The following AKAP19 variants were observed in gnomAD, a reference collection of about 807,000 sequenced individuals.
The protein encoded by AKAP19 is small A-kinase anchoring protein.
chr2:190,178,013 C>T, the AKAP19 span, among the ~76,000 whole-genome samples: 7 of 152,180 alleles, frequency 4.6e-5, no homozygotes, highest in East Asian at 3.8e-4. The surrounding 1 kb of genome is among the most constrained non-coding windows in gnomAD (Gnocchi z 6.3). Flanking sequence ...CTGGGTCCTT[C>T]GTCACCCCTT....
the AKAP19 span, among the ~76,000 whole-genome samples, chr2:190,162,937 A>G: frequency 3.9e-5 from 6 of 152,248 alleles, no homozygotes; most frequent in African/African-American, 1.4e-4. Context: ...AAAAGAAAAG[A>G]ATAAAAGTTC....
At chr2:189,950,354 T>G in the AKAP19 span, among the ~76,000 whole-genome samples, 4 of 151,156 alleles carry the variant, frequency 2.6e-5, no homozygotes, top group African/African-American at 9.7e-5. Context: ...TTTGTTTTTT[T>G]TTTTAAGGTT....
At chr2:189,940,401 GC>G in the AKAP19 span, among the ~76,000 whole-genome samples, 1 of 151,932 alleles carries the variant, frequency 6.6e-6, no homozygotes, top group South Asian at 2.1e-4. Context: ...AGCTGAGATT[GC>G]GCCATTGCAC....
chr2:189,979,514 C>T, the AKAP19 span, among the ~76,000 whole-genome samples: 141 of 152,156 alleles, frequency 9.3e-4, no homozygotes, highest in Non-Finnish European at 1.1e-3. Flanking sequence ...TGGACATTGG[C>T]CTAGACAAAA....
the AKAP19 span, among the ~76,000 whole-genome samples, chr2:189,999,610 A>G: frequency 6.6e-6 from 1 of 152,174 alleles, no homozygotes; most frequent in Admixed American, 6.5e-5. Flanking sequence ...GCAATGAATT[A>G]TCTTAGTATC....
At chr2:190,179,331 T>A in the AKAP19 span, among the ~76,000 whole-genome samples, 1 of 151,708 alleles carries the variant, frequency 6.6e-6, no homozygotes, top group African/African-American at 2.4e-5. The surrounding 1 kb of genome is among the most constrained non-coding windows in gnomAD (Gnocchi z 6.0). Context: ...CGCTTGAACC[T>A]GGGAGGTGGG....
the AKAP19 span, among the ~76,000 whole-genome samples, chr2:190,074,262 T>C: frequency 6.6e-6 from 1 of 152,134 alleles, no homozygotes; most frequent in African/African-American, 2.4e-5. Context: ...TAAATTTTTA[T>C]AAGGAAAAGA....
At chr2:189,936,228 T>G in the AKAP19 span, among the ~76,000 whole-genome samples, 91 of 151,134 alleles carry the variant, frequency 6.0e-4, no homozygotes, top group Non-Finnish European at 1.0e-3. Context: ...TTGAATGTCA[T>G]AGACTTGAAT....
At chr2:189,938,492 G>GC in the AKAP19 span, among the ~76,000 whole-genome samples, 1 of 152,054 alleles carries the variant, frequency 6.6e-6, no homozygotes, top group Non-Finnish European at 1.5e-5. Context: ...GACAAACATC[G>GC]CATGTTCTCA....
chr2:189,998,402 GA>G, the AKAP19 span, among the ~76,000 whole-genome samples: 5 of 151,380 alleles, frequency 3.3e-5, no homozygotes, highest in Admixed American at 1.3e-4. Flanking sequence ...TTTTCTTAAT[GA>G]AAAAAAAATT....
At chr2:189,945,024 A>T in the AKAP19 span, among the ~76,000 whole-genome samples, 36 of 152,324 alleles carry the variant, frequency 2.4e-4, no homozygotes, top group Middle Eastern at 0.014. Context: ...TAAGGAAATT[A>T]AAAAATTTCT....
chr2:189,993,824 T>G, the AKAP19 span, among the ~76,000 whole-genome samples: 1 of 152,298 alleles, frequency 6.6e-6, no homozygotes, highest in African/African-American at 2.4e-5. Flanking sequence ...TTGAATGATC[T>G]TTCGTATTTC....
chr2:189,894,495 C>T, the AKAP19 span, among the ~76,000 whole-genome samples: 2 of 152,100 alleles, frequency 1.3e-5, no homozygotes, highest in East Asian at 1.9e-4. Context: ...ACTGAACTCA[C>T]TGAGTTTCAA....
At chr2:190,053,109 C>T in the AKAP19 span, among the ~76,000 whole-genome samples, 4 of 152,238 alleles carry the variant, frequency 2.6e-5, no homozygotes, top group African/African-American at 7.2e-5. Flanking sequence ...GAAAACAAAG[C>T]GTGTGTGTCT....
chr2:190,147,945 T>G, the AKAP19 span, among the ~76,000 whole-genome samples: 1 of 152,200 alleles, frequency 6.6e-6, no homozygotes, highest in Non-Finnish European at 1.5e-5. Context: ...GATCATATCA[T>G]CAGCAAACAG....
the AKAP19 span, among the ~76,000 whole-genome samples, chr2:190,010,116 A>G: frequency 6.6e-6 from 1 of 152,240 alleles, no homozygotes; most frequent in African/African-American, 2.4e-5. Flanking sequence ...AAATAAAACA[A>G]AACAAAAATG....
the AKAP19 span, among the ~76,000 whole-genome samples, chr2:190,197,762 G>C: frequency 6.6e-6 from 1 of 152,182 alleles, no homozygotes; most frequent in African/African-American, 2.4e-5. The surrounding 1 kb of genome is among the most constrained non-coding windows in gnomAD (Gnocchi z 4.0). Flanking sequence ...TTTAAAACTG[G>C]TTTTGGCAAA....
At chr2:189,909,825 GT>G in the AKAP19 span, among the ~76,000 whole-genome samples, 1 of 151,980 alleles carries the variant, frequency 6.6e-6, no homozygotes, top group South Asian at 2.1e-4. Context: ...CATTTGAATA[GT>G]TATTTTATTA....
the AKAP19 span, among the ~76,000 whole-genome samples, chr2:189,978,341 C>T: frequency 6.6e-6 from 1 of 151,234 alleles, no homozygotes; most frequent in Non-Finnish European, 1.5e-5. Flanking sequence ...AAAATTTGGG[C>T]TGGGCATGGT....
Sources: allele counts gnomAD v4.1 joint callset (sites outside exome capture counted in the v4.1 genomes callset), GRCh38; gene constraint gnomAD v4.1.1; non-coding constraint Gnocchi (gnomAD v3.1); transcripts MANE v1.5; gene names NCBI Gene and HGNC (gene_info 2026-07-23, HGNC 2026-07-21).